The following TGFA variants were observed in gnomAD, a reference collection of about 807,000 sequenced individuals.
TGFA encodes the protein transforming growth factor alpha.
A neutral mutation model predicts 21.7 loss-of-function variants in TGFA; 12 were observed. The observed-to-expected ratio is 0.55, with a 90% confidence interval of 0.35 to 0.90. The LOEUF (loss-of-function observed/expected upper bound fraction) is 0.90. TGFA is among the 40% of genes least tolerant of loss of function. The probability of loss-of-function intolerance (pLI) is 0.01; values close to 1 mark genes in which losing one functional copy is unlikely to be tolerated. For missense variants in TGFA, 178 were observed against 210.8 expected, an observed-to-expected ratio of 0.84 and a Z score of 0.96; for synonymous variants, 79 against 88.1, an observed-to-expected ratio of 0.90 and a Z score of 0.58.
chr2:70,548,643 A>G (rs1673390723), intron 1 of TGFA, among the ~76,000 whole-genome samples: 1 of 152,252 alleles, frequency 6.6e-6, no homozygotes, highest in South Asian at 2.1e-4. Context: ...GCTCCATGTG[A>G]AACAAATTTG....
intron 4 of TGFA, among the ~76,000 whole-genome samples, chr2:70,455,755 C>G (rs1354635472): frequency 2.0e-5 from 3 of 152,136 alleles, no homozygotes; most frequent in Admixed American, 2.0e-4. Context: ...TGTGGGCAAG[C>G]AAATGGGGCC....
chr2:70,490,611 G>A (rs1671405993), intron 2 of TGFA, among the ~76,000 whole-genome samples: 1 of 152,192 alleles, frequency 6.6e-6, no homozygotes, highest in South Asian at 2.1e-4. Context: ...TTGTTTCACT[G>A]CCAGGGGATA....
At chr2:70,481,733 CTT>C (rs2103756561) in intron 2 of TGFA, among the ~76,000 whole-genome samples, 1 of 152,346 alleles carries the variant, frequency 6.6e-6, no homozygotes, top group South Asian at 2.1e-4. Flanking sequence ...GTCTCTCTCT[CTT>C]GGATTGGTCA....
At chr2:70,525,985 C>T (rs924675524) in intron 1 of TGFA, among the ~76,000 whole-genome samples, 2 of 152,180 alleles carry the variant, frequency 1.3e-5, no homozygotes, top group African/African-American at 4.8e-5. Flanking sequence ...CAGAGAAAGT[C>T]TCTTCAACTG....
intron 2 of TGFA, among the ~76,000 whole-genome samples, chr2:70,478,457 T>C (rs1385114953): frequency 6.6e-6 from 1 of 151,876 alleles, no homozygotes; most frequent in Non-Finnish European, 1.5e-5. Flanking sequence ...ATGGCCATGA[T>C]CATGTATCTC....
Position 70,473,837 on chromosome 2 carries a change from G to A in TGFA, c.95-8101C>T, listed in dbSNP as rs148641139. On this transcript the variant is annotated intron_variant, in intron 2 of 5. Coordinates refer to ENST00000295400, the MANE Select transcript of TGFA (RefSeq NM_003236.4). ...ATCATTTAAGAGGGAAGGGGCCTTCGTTGTAGTTAAGCAGTGAAAGAGAGA... is the reference window on the plus strand; with the variant it reads ...ATCATTTAAGAGGGAAGGGGCCTTCATTGTAGTTAAGCAGTGAAAGAGAGA... Among the ~76,000 whole-genome samples the A allele has an allele frequency of 6.4e-3, 977 of 152,138 alleles. 9 individuals carry two copies. Among genetic ancestry groups the A allele is most frequent in the African/African-American group, 0.022 (926 of 41,486 alleles).
chr2:70,530,689 G>A (rs1488351408), intron 1 of TGFA, among the ~76,000 whole-genome samples: 2 of 152,200 alleles, frequency 1.3e-5, no homozygotes, highest in Non-Finnish European at 2.9e-5. Context: ...GATGACAACG[G>A]CTATGCCCAA....
chr2:70,484,743 C>T (rs1047388170), intron 2 of TGFA, among the ~76,000 whole-genome samples: 1 of 152,188 alleles, frequency 6.6e-6, no homozygotes, highest in African/African-American at 2.4e-5. Context: ...TTCCTGATTC[C>T]TGGCTTCCTG....
chr2:70,550,460 AAAT>A (rs1258847342), intron 1 of TGFA, among the ~76,000 whole-genome samples: 3 of 151,736 alleles, frequency 2.0e-5, no homozygotes, highest in South Asian at 2.1e-4. Context: ...ATAAAAAATT[AAAT>A]AATTAAATAA....
rs373697519 is a variant in TGFA, at chr2:70,547,812, CTA to C, written c.40+5914_40+5915del. On this transcript the variant is annotated intron_variant, in intron 1 of 5. Coordinates refer to ENST00000295400, the MANE Select transcript of TGFA (RefSeq NM_003236.4). ...ATACTATCTATACAATATATACTAT[CTA>C]TATATATACTATCTATAGATATATA... 7.6e-3 allele frequency among the ~76,000 whole-genome samples: 1,119 copies of C among 146,722 alleles called. 16 individuals are homozygous for C. The highest frequency in any genetic ancestry group is 0.026 in the African/African-American group (1,061 of 40,256).
chr2:70,553,107 CGGCGGA>C, intron 1 of TGFA: 2 of 1,470,270 alleles, frequency 1.4e-6, no homozygotes, highest in South Asian at 2.4e-5. Context: ...CTCCTGCCCT[CGGCGGA>C]CACCGAAACC....
At chr2:70,550,775 C>A (rs1297387275) in intron 1 of TGFA, among the ~76,000 whole-genome samples, 1 of 152,140 alleles carries the variant, frequency 6.6e-6, no homozygotes, top group Non-Finnish European at 1.5e-5. Context: ...GAGCCGAGAT[C>A]GCGCCACTGC....
chr2:70,552,776 T>C (rs1166359839), intron 1 of TGFA, among the ~76,000 whole-genome samples: 2 of 152,246 alleles, frequency 1.3e-5, no homozygotes, highest in South Asian at 2.1e-4. Context: ...AGCCGCATGC[T>C]ATACGGGTTA....
chr2:70,473,688 T>C (rs1176029008), intron 2 of TGFA, among the ~76,000 whole-genome samples: 1 of 146,760 alleles, frequency 6.8e-6, no homozygotes, highest in Middle Eastern at 3.2e-3. Context: ...TAGAGGGGGG[T>C]GTGTGGGATG....
intron 2 of TGFA, among the ~76,000 whole-genome samples, chr2:70,472,460 G>T (rs1358023858): frequency 6.6e-6 from 1 of 152,214 alleles, no homozygotes; most frequent in African/African-American, 2.4e-5. Flanking sequence ...GGGAAGCTGT[G>T]AAAGCTTTGC....
intron 2 of TGFA, among the ~76,000 whole-genome samples, chr2:70,466,475 T>C (rs1670566599): frequency 6.6e-6 from 1 of 152,066 alleles, no homozygotes; most frequent in African/African-American, 2.4e-5. Flanking sequence ...GCCACTGCAC[T>C]CTGCACTCCA....
At chr2:70,467,005 G>C (rs1304901242) in intron 2 of TGFA, among the ~76,000 whole-genome samples, 1 of 151,952 alleles carries the variant, frequency 6.6e-6, no homozygotes, top group Non-Finnish European at 1.5e-5. Context: ...GACACAGGGA[G>C]AGTGTGGGGG....
chr2:70,455,687 G>A (rs1670207098), intron 4 of TGFA, among the ~76,000 whole-genome samples: 1 of 152,196 alleles, frequency 6.6e-6, no homozygotes, highest in African/African-American at 2.4e-5. Flanking sequence ...CCAAATGCTA[G>A]GAATATTGCA....
At chr2:70,504,449 T>TACATAC (rs1289372088) in intron 2 of TGFA, among the ~76,000 whole-genome samples, 1 of 69,082 alleles carries the variant, frequency 1.4e-5, no homozygotes, top group African/African-American at 6.5e-5. Context: ...TATATATATA[T>TACATAC]ATATATATAT....
Sources: allele counts gnomAD v4.1 joint callset (sites outside exome capture counted in the v4.1 genomes callset), GRCh38; gene constraint gnomAD v4.1.1; transcripts MANE v1.5; gene names NCBI Gene and HGNC (gene_info 2026-07-23, HGNC 2026-07-21).